Variants in TMEM50B observed in about 807,000 individuals in gnomAD.
TMEM50B encodes the protein HCV p7-trans-regulated protein 3.
A neutral mutation model predicts 23.4 loss-of-function variants in TMEM50B; 14 were observed. The observed-to-expected ratio is 0.60, with a 90% CI of 0.39 to 0.93. The LOEUF is 0.93. TMEM50B is among the 40% of genes least tolerant of loss of function. The probability of loss-of-function intolerance (pLI) is 0.00; values close to 1 mark genes in which losing one functional copy is unlikely to be tolerated. For synonymous variants in TMEM50B, 64 were observed against 62.3 expected (o/e 1.03, Z -0.13); for missense variants, 159 against 193.0 (o/e 0.82, Z 1.04).
In TMEM50B at chr21:33,437,001, G is replaced by C. The variant is rs574166519; in HGVS notation, c.*2120+2213C>G. On this transcript the variant is annotated intron_variant and NMD_transcript_variant, in intron 8 of 8. Coordinates refer to the TMEM50B transcript ENST00000420455. ...CCTAGCCCACTGGCTCCCTGGAAGA[G>C]ATCAAGCCATCGGAGCTGCTAGAGT... is the stretch of plus-strand genomic sequence containing the variant. 10 of 1,611,530 alleles carry C rather than the reference G, an allele frequency of 6.2e-6. No homozygotes were observed. The Admixed American group carries it at 1.5e-4, about 24-fold the overall frequency.
At chr21:33,461,772 T>C (rs547146375) in intron 4 of TMEM50B, among the ~76,000 whole-genome samples, 1 of 151,542 alleles carries the variant, frequency 6.6e-6, no homozygotes, top group Non-Finnish European at 1.5e-5. Context: ...GCCACTACAC[T>C]CTAGCCTGCG....
intron 6 of TMEM50B, among the ~76,000 whole-genome samples, chr21:33,454,300 A>C (rs2084149367): frequency 6.6e-6 from 1 of 151,816 alleles, no homozygotes; most frequent in South Asian, 2.1e-4. Flanking sequence ...CTATGTATTA[A>C]TTATTATTAT....
chr21:33,444,772 C>G (rs1194858345), downstream of TMEM50B, among the ~76,000 whole-genome samples: 11 of 112,096 alleles, frequency 9.8e-5, no homozygotes, highest in African/African-American at 4.2e-4. Flanking sequence ...GTACTCCAGC[C>G]TGGGTAAAAT....
chr21:33,463,650 T>G (rs1232657731), intron 4 of TMEM50B, among the ~76,000 whole-genome samples: 1 of 152,204 alleles, frequency 6.6e-6, no homozygotes, highest in Non-Finnish European at 1.5e-5. Context: ...GGCTCATGCC[T>G]GCAATCCCAG....
downstream of TMEM50B, among the ~76,000 whole-genome samples, chr21:33,445,411 A>C (rs971441986): frequency 2.6e-5 from 4 of 152,410 alleles, no homozygotes; most frequent in South Asian, 2.1e-4. Flanking sequence ...GGCAGGCTCT[A>C]AACTTGGAAG....
chr21:33,447,408 G>A (rs1001072712), downstream of TMEM50B, among the ~76,000 whole-genome samples: 2 of 151,788 alleles, frequency 1.3e-5, no homozygotes, highest in Non-Finnish European at 2.9e-5. Flanking sequence ...ATCACACCAC[G>A]GCGTTCCAGC....
chr21:33,436,074 G>A (rs1476360859), intron 8 of TMEM50B, among the ~76,000 whole-genome samples: 2 of 151,270 alleles, frequency 1.3e-5, no homozygotes, highest in African/African-American at 4.9e-5. Flanking sequence ...ATAAAAAATT[G>A]TTGCCGGGTG....
intron 4 of TMEM50B, among the ~76,000 whole-genome samples, chr21:33,464,863 A>G (rs1445532074): frequency 1.3e-5 from 2 of 151,960 alleles, no homozygotes; most frequent in African/African-American, 4.8e-5. Context: ...TCAAACTATA[A>G]AAACTAATTT....
rs557935330 is a variant in TMEM50B, at chr21:33,434,833, ATCTC to A, written c.*2121-2035_*2121-2032del. On this transcript the variant is annotated intron_variant and NMD_transcript_variant, in intron 8 of 8. Transcript: ENST00000420455. ...TCTCAGAATCTTACTTGCAGTAATA[ATCTC>A]TCTCTCTCCTGGTAGAACTACCAGC... Among the ~76,000 whole-genome samples the A allele has an allele frequency of 3.7e-4, 56 of 152,164 alleles. 1 individual carries two copies. The highest frequency in any genetic ancestry group is 1.3e-3 in the African/African-American group (54 of 41,528).
intron 7 of TMEM50B, among the ~76,000 whole-genome samples, chr21:33,441,815 G>C (rs2084011090): frequency 6.6e-6 from 1 of 152,080 alleles, no homozygotes; most frequent in South Asian, 2.1e-4. Flanking sequence ...ATTTTTAGTA[G>C]AGATGGGATT....
intron 8 of TMEM50B, among the ~76,000 whole-genome samples, chr21:33,438,980 G>C (rs1015377690): frequency 3.9e-5 from 6 of 151,976 alleles, no homozygotes; most frequent in Admixed American, 3.3e-4. Flanking sequence ...CACCCACCTT[G>C]GTCTCCCAAA....
chr21:33,472,318 G>A (rs185301592), intron 1 of TMEM50B, among the ~76,000 whole-genome samples: 306 of 152,104 alleles, frequency 2.0e-3, no homozygotes, highest in African/African-American at 7.0e-3. Flanking sequence ...AGGAGGCGGA[G>A]GTTGCAGTGA....
At chr21:33,458,139 T>G (rs1217870867) in intron 5 of TMEM50B, among the ~76,000 whole-genome samples, 4 of 152,214 alleles carry the variant, frequency 2.6e-5, no homozygotes, top group African/African-American at 9.7e-5. Context: ...AAGTTTTTCT[T>G]TAACATAACT....
intron 6 of TMEM50B, among the ~76,000 whole-genome samples, chr21:33,453,414 T>C (rs4300927): frequency 0.59 from 89,111 of 151,794 alleles, 28,193 homozygotes; most frequent in East Asian, 0.83. Context: ...AATGTAACAA[T>C]AGAAACTATC....
intron 1 of TMEM50B, chr21:33,469,388 T>A (rs774755148): frequency 1.3e-5 from 2 of 154,148 alleles, no homozygotes; most frequent in Admixed American, 6.4e-5. Context: ...AAGGCAGAGA[T>A]TGCAGTGCAA....
intron 4 of TMEM50B, chr21:33,465,001 T>C (rs375908345): frequency 4.4e-5 from 9 of 203,698 alleles, no homozygotes; most frequent in African/African-American, 1.4e-4. Flanking sequence ...TGTTCATTAC[T>C]TTCCTGTTAA....
At chr21:33,436,743 AAAAT>A (rs1568967117) in intron 8 of TMEM50B, 18 of 1,138,452 alleles carry the variant, frequency 1.6e-5, no homozygotes, top group Middle Eastern at 2.1e-4. Context: ...AAATAAAAAT[AAAAT>A]AAAAACAAAA....
chr21:33,473,271 G>C (rs1568987598), intron 1 of TMEM50B, among the ~76,000 whole-genome samples: 1 of 151,856 alleles, frequency 6.6e-6, no homozygotes, highest in Non-Finnish European at 1.5e-5. Context: ...TGGGCAACAT[G>C]GAGAAACCCC....
chr21:33,432,550 CTT>C (rs1274263222), exon 9 of TMEM50B: 1 of 890,278 alleles, frequency 1.1e-6, no homozygotes, highest in Non-Finnish European at 1.8e-6. Flanking sequence ...ACAGGATTGA[CTT>C]TAGCTATTAA....
Sources: gnomAD v4.1 joint callset for allele counts (sites outside exome capture counted in the v4.1 genomes callset) on GRCh38, gnomAD v4.1.1 for gene constraint, MANE v1.5 for transcripts, NCBI Gene and HGNC (gene_info 2026-07-23, HGNC 2026-07-21) for gene names.